Variants in PHF24 observed in about 807,000 individuals in gnomAD.
PHF24 encodes the protein Galpha inhibitory interacting protein.
PHF24 carries 25 observed loss-of-function variants against 42.6 expected under a neutral mutation model. The ratio of observed to expected loss-of-function variants is 0.59; its 90% CI spans 0.43 to 0.82. PHF24 has a LOEUF of 0.82. Ranked by LOEUF, PHF24 falls within the 40% of genes least tolerant of loss-of-function variation. The pLI, the probability that PHF24 is intolerant of heterozygous loss-of-function variation, is 0.00. For synonymous variants in PHF24, 185 were observed against 204.8 expected (o/e 0.90, Z 0.83); for missense variants, 470 against 538.1 (o/e 0.87, Z 1.25).
At chr9:34,781,285 C>T in the PHF24 span, among the ~76,000 whole-genome samples, 8 of 152,080 alleles carry the variant, frequency 5.3e-5, no homozygotes, top group African/African-American at 1.7e-4. Context: ...ATAAAATATC[C>T]AATCATAAAA....
the PHF24 span, among the ~76,000 whole-genome samples, chr9:34,698,136 A>G: frequency 6.7e-6 from 1 of 150,212 alleles, no homozygotes; most frequent in East Asian, 2.0e-4. Flanking sequence ...GTAAACAGAA[A>G]CTTGATTTTC....
chr9:34,756,973 T>TTGGCTCACTGCAACCTCAACCCCCA, the PHF24 span, among the ~76,000 whole-genome samples: 1 of 152,118 alleles, frequency 6.6e-6, no homozygotes, highest in Non-Finnish European at 1.5e-5. Flanking sequence ...GTGGCGTGAC[T>TTGGCTCACTGCAACCTCAACCCCCA]TGGCTCACTG....
chr9:34,726,666 C>A, the PHF24 span: 1 of 1,551,712 alleles, frequency 6.4e-7, no homozygotes, highest in Non-Finnish European at 8.7e-7. Context: ...TGTATGCCAT[C>A]TGCATACGTT....
At chr9:34,823,501 G>A in the PHF24 span, among the ~76,000 whole-genome samples, 1 of 152,272 alleles carries the variant, frequency 6.6e-6, no homozygotes, top group Non-Finnish European at 1.5e-5. Context: ...GATTCAGGAA[G>A]CTCTTTCTAG....
At chr9:34,878,476 C>G in the PHF24 span, among the ~76,000 whole-genome samples, 1 of 152,244 alleles carries the variant, frequency 6.6e-6, no homozygotes, top group East Asian at 1.9e-4. Flanking sequence ...CAAGGGAAGC[C>G]GTGACAGACA....
At chr9:34,974,551 T>C (rs2132919966) in intron 3 of PHF24, among the ~76,000 whole-genome samples, 1 of 152,262 alleles carries the variant, frequency 6.6e-6, no homozygotes, top group South Asian at 2.1e-4. Context: ...CTACTGATGC[T>C]CTTCCAGCCT....
the PHF24 span, chr9:34,833,827 CAG>C: frequency 1.3e-6 from 2 of 1,551,670 alleles, no homozygotes; most frequent in Non-Finnish European, 1.7e-6. Flanking sequence ...CCATCTAAAT[CAG>C]AGGCTCTGCT....
intron 1 of PHF24, among the ~76,000 whole-genome samples, chr9:34,963,352 GT>G (rs1213138981): frequency 1.5e-5 from 2 of 134,538 alleles, no homozygotes; most frequent in Non-Finnish European, 3.1e-5. Flanking sequence ...CGTTTGTTTT[GT>G]TTTTTTACAG....
At chr9:34,687,649 C>T in the PHF24 span, among the ~76,000 whole-genome samples, 18 of 152,334 alleles carry the variant, frequency 1.2e-4, no homozygotes, top group African/African-American at 4.1e-4. Flanking sequence ...CTCACCTGCC[C>T]TGCTCCGTCT....
chr9:34,811,483 C>G, the PHF24 span, among the ~76,000 whole-genome samples: 3 of 152,212 alleles, frequency 2.0e-5, no homozygotes, highest in African/African-American at 4.8e-5. Flanking sequence ...CTCACGTGCT[C>G]TCTTGCCCTT....
At chr9:34,729,115 C>T in the PHF24 span, among the ~76,000 whole-genome samples, 30 of 151,980 alleles carry the variant, frequency 2.0e-4, no homozygotes, top group African/African-American at 2.7e-4. Flanking sequence ...GACTATGTTG[C>T]GGGAAGGGCC....
chr9:34,942,372 GAA>G, the PHF24 span, among the ~76,000 whole-genome samples: 1 of 151,270 alleles, frequency 6.6e-6, no homozygotes, highest in Non-Finnish European at 1.5e-5. Context: ...TTTTACTTTG[GAA>G]AGATATGCCA....
chr9:34,869,879 T>C, the PHF24 span, among the ~76,000 whole-genome samples: 1 of 152,144 alleles, frequency 6.6e-6, no homozygotes, highest in Non-Finnish European at 1.5e-5. Context: ...CTTTTCATCC[T>C]TGTTAGGAAG....
At chr9:34,792,590 G>C in the PHF24 span, among the ~76,000 whole-genome samples, 1 of 151,978 alleles carries the variant, frequency 6.6e-6, no homozygotes, top group African/African-American at 2.4e-5. Flanking sequence ...AGAATCGCTT[G>C]AACCCGGGAG....
chr9:34,745,005 A>G, the PHF24 span, among the ~76,000 whole-genome samples: 2 of 152,328 alleles, frequency 1.3e-5, no homozygotes, highest in East Asian at 3.9e-4. Context: ...AGAAGAGACA[A>G]TATCATTTCC....
chr9:34,864,115 A>G, the PHF24 span, among the ~76,000 whole-genome samples: 3 of 152,232 alleles, frequency 2.0e-5, no homozygotes, highest in African/African-American at 4.8e-5. Context: ...ACGAAAGAAT[A>G]AAGAATAAAA....
chr9:34,791,794 A>G, the PHF24 span, among the ~76,000 whole-genome samples: 1 of 151,178 alleles, frequency 6.6e-6, no homozygotes, highest in Non-Finnish European at 1.5e-5. Context: ...ACTGAATTGA[A>G]TGTTGCATCT....
At chr9:34,857,278 A>C in the PHF24 span, among the ~76,000 whole-genome samples, 2 of 152,192 alleles carry the variant, frequency 1.3e-5, no homozygotes, top group South Asian at 4.1e-4. Flanking sequence ...TTGACTCTTT[A>C]GATTCAGCCC....
At chr9:34,784,823 A>G in the PHF24 span, among the ~76,000 whole-genome samples, 1 of 152,254 alleles carries the variant, frequency 6.6e-6, no homozygotes, top group Admixed American at 6.5e-5. Flanking sequence ...TAGACATACG[A>G]GAATACTAGA....
Sources: gnomAD v4.1 joint callset for allele counts (sites outside exome capture counted in the v4.1 genomes callset) on GRCh38, gnomAD v4.1.1 for gene constraint, MANE v1.5 for transcripts, NCBI Gene and HGNC (gene_info 2026-07-23, HGNC 2026-07-21) for gene names.